The following CNTLN variants were observed in gnomAD, a reference collection of about 807,000 sequenced individuals.
The protein encoded by CNTLN is centlein, centrosomal protein.
CNTLN carries 212 observed loss-of-function variants against 180.0 expected under a neutral mutation model. The ratio of observed to expected loss-of-function variants is 1.18; its 90% confidence interval spans 1.05 to 1.32. The LOEUF (loss-of-function observed/expected upper bound fraction) is 1.32. Among genes scored for constraint, CNTLN ranks in the 40% most tolerant of loss-of-function variants. The pLI, the probability that CNTLN is intolerant of heterozygous loss-of-function variation, is 0.00. For synonymous variants in CNTLN, 722 were observed against 563.1 expected, an observed-to-expected ratio of 1.28 and a Z score of -3.99; for missense variants, 2,095 against 1,610.9, an observed-to-expected ratio of 1.30 and a Z score of -5.14.
intron 7 of CNTLN, among the ~76,000 whole-genome samples, chr9:17,305,352 C>G (rs149088398): frequency 1.3e-5 from 2 of 152,114 alleles, no homozygotes; most frequent in African/African-American, 4.8e-5. Flanking sequence ...AATTCTTATC[C>G]ATTCGAGCTT....
intron 5 of CNTLN, among the ~76,000 whole-genome samples, chr9:17,263,088 A>C (rs913434719): frequency 2.0e-5 from 3 of 150,932 alleles, no homozygotes; most frequent in Non-Finnish European, 2.9e-5. Flanking sequence ...CATGTGCACA[A>C]CGTGCAGGTT....
rs1224973770 is a variant in CNTLN at position 17,359,717 on chromosome 9, TAAAAATACAAAAA to T, written c.1887-6894_1887-6882del. The stretch of plus-strand genomic sequence containing the variant: ...TAACACGGTGAAACTCCGTCTATAC[TAAAAATACAAAAA>T]AAAAAAAAAAAAAAAAAAAACTAGC... On this transcript the variant is annotated intron_variant, in intron 12 of 25. Coordinates refer to ENST00000380647, the MANE Select transcript of CNTLN (RefSeq NM_017738.4). Among the ~76,000 whole-genome samples the T allele has an allele frequency of 1.3e-3, 18 of 13,498 alleles. 1 individual carries two copies. The South Asian group carries it at 0.03, about 23-fold the overall frequency. 8.9% of individuals were successfully genotyped at this position (13,498 alleles called of 152,430 possible).
intron 2 of CNTLN, among the ~76,000 whole-genome samples, chr9:17,157,331 C>G (rs1412033736): frequency 1.3e-5 from 2 of 152,090 alleles, no homozygotes; most frequent in Non-Finnish European, 2.9e-5. Flanking sequence ...TCAGGATTAT[C>G]CTTTGCTAAT....
At position 17,457,601 on chromosome 9, in the gene CNTLN, C is replaced by G; in HGVS notation, c.3192C>G (p.Ile1064Met). 4 of 1,564,448 alleles carry G rather than the reference C, an allele frequency of 2.6e-6. No individual in the cohort carries two copies. Among genetic ancestry groups the G allele is most frequent in the Non-Finnish European group, 2.6e-6 (3 of 1,153,428 alleles). ...LLKKLESSSE[I>M]TSLAEENSQV... ...AGAAATTGGAGTCCTCATCTGAAAT[C>G]ACAAGTTTGGCAGAAGAAAATTCCC... Residue 1064 changes from isoleucine to methionine, a missense_variant, in exon 19 of 26, where the codon ATC becomes ATG. Coordinates refer to ENST00000380647, the MANE Select transcript of CNTLN (RefSeq NM_017738.4).
chr9:17,231,867 A>T (rs1388406008), intron 3 of CNTLN, among the ~76,000 whole-genome samples: 1 of 114,476 alleles, frequency 8.7e-6, no homozygotes, highest in Admixed American at 1.3e-4. Flanking sequence ...TTCTCTTGTT[A>T]CTCTGTAGAC....
chr9:17,138,851 A>G (rs1341167001), intron 1 of CNTLN, among the ~76,000 whole-genome samples: 2 of 152,154 alleles, frequency 1.3e-5, no homozygotes, highest in Non-Finnish European at 2.9e-5. Flanking sequence ...AAAAATGGCA[A>G]TTTGGGGTGT....
intron 6 of CNTLN, among the ~76,000 whole-genome samples, chr9:17,290,882 G>C (rs947363672): frequency 2.0e-5 from 3 of 152,210 alleles, no homozygotes; most frequent in African/African-American, 7.2e-5. Flanking sequence ...CATGGTGCGT[G>C]CACCCACTGG....
intron 12 of CNTLN, among the ~76,000 whole-genome samples, chr9:17,353,598 GTTT>G (rs35444065): frequency 4.3e-5 from 6 of 140,122 alleles, no homozygotes; most frequent in Non-Finnish European, 3.1e-5. Context: ...TTTTGTTTTC[GTTT>G]TTTTTTTTTT....
At chr9:17,151,636 C>T (rs1468447661) in intron 2 of CNTLN, among the ~76,000 whole-genome samples, 2 of 152,132 alleles carry the variant, frequency 1.3e-5, no homozygotes, top group African/African-American at 4.8e-5. Flanking sequence ...TTTGTTGTGT[C>T]TCTGCCAGGT....
intron 15 of CNTLN, among the ~76,000 whole-genome samples, chr9:17,397,666 C>T (rs368814357): frequency 3.9e-5 from 6 of 152,144 alleles, no homozygotes; most frequent in Non-Finnish European, 5.9e-5. Context: ...GAATGCCTCC[C>T]GGCAGATCTG....
At chr9:17,144,238 C>G (rs1379722179) in intron 2 of CNTLN, among the ~76,000 whole-genome samples, 1 of 152,176 alleles carries the variant, frequency 6.6e-6, no homozygotes, top group South Asian at 2.1e-4. Context: ...ATTTTACCAT[C>G]TTTGGTTATT....
intron 7 of CNTLN, among the ~76,000 whole-genome samples, chr9:17,307,647 G>C (rs1818812696): frequency 6.6e-6 from 1 of 151,834 alleles, no homozygotes; most frequent in Non-Finnish European, 1.5e-5. Context: ...AACTTTGGAG[G>C]GTCTTATTTT....
intron 13 of CNTLN, among the ~76,000 whole-genome samples, chr9:17,379,369 A>G (rs1825042544): frequency 6.6e-6 from 1 of 152,024 alleles, no homozygotes; most frequent in Non-Finnish European, 1.5e-5. Context: ...CTCTCCCTGT[A>G]TCTGAGTAGA....
chr9:17,394,434 T>A, intron 14 of CNTLN, 100 bp from the exon 15 acceptor site: 1 of 952,528 alleles, frequency 1.0e-6, no homozygotes, highest in Non-Finnish European at 1.5e-6. Flanking sequence ...TATTTTGTCC[T>A]TGTGCTAAAT....
At chr9:17,437,103 T>A (rs2134016048) in intron 18 of CNTLN, among the ~76,000 whole-genome samples, 1 of 152,316 alleles carries the variant, frequency 6.6e-6, no homozygotes, top group African/African-American at 2.4e-5. Context: ...TTGTGAAATG[T>A]CACTCGGATC....
At position 17,366,645 on chromosome 9, in the gene CNTLN, C is replaced by A; in HGVS notation, c.1915C>A (p.Leu639Ile). The A allele has an allele frequency of 6.4e-7, 1 of 1,563,706 alleles. No homozygotes were observed. The highest frequency in any genetic ancestry group is 1.2e-5 in the South Asian group (1 of 86,930). Residue 639 changes from leucine to isoleucine, a missense_variant, in exon 13 of 26, where the codon CTT (leucine) becomes ATT (isoleucine). Transcript: ENST00000380647. ...KMNLEEELDE[L>I]KVHISIDKAA... The stretch of plus-strand genomic sequence containing the variant: ...GAATCTTGAAGAAGAATTAGATGAA[C>A]TTAAAGTACATATATCTATTGATAA...
intron 2 of CNTLN, among the ~76,000 whole-genome samples, chr9:17,224,841 C>T (rs757734655): frequency 2.6e-5 from 4 of 151,610 alleles, no homozygotes; most frequent in Non-Finnish European, 5.9e-5. Flanking sequence ...TAGAGGATTG[C>T]ATCTTTTGAC....
chr9:17,359,542 A>G (rs1247625745), intron 12 of CNTLN, among the ~76,000 whole-genome samples: 4 of 151,400 alleles, frequency 2.6e-5, no homozygotes, highest in Admixed American at 2.0e-4. Context: ...AGGACAGTCA[A>G]CCCAATAGAA....
At chr9:17,141,769 A>G (rs1818115600) in intron 1 of CNTLN, among the ~76,000 whole-genome samples, 1 of 152,086 alleles carries the variant, frequency 6.6e-6, no homozygotes, top group Admixed American at 6.6e-5. Flanking sequence ...TGATTTGGAT[A>G]TGAAGTATGA....
Sources: gnomAD v4.1 joint callset for allele counts (sites outside exome capture counted in the v4.1 genomes callset) on GRCh38, gnomAD v4.1.1 for gene constraint, MANE v1.5 for transcripts, NCBI Gene and HGNC (gene_info 2026-07-23, HGNC 2026-07-21) for gene names.